QTGAL: variants seen among roughly 807,000 people sequenced by gnomAD.
QTGAL encodes BGnT-like protein 1.
the QTGAL span, chr17:83,006,117 G>A: frequency 1.0e-6 from 1 of 989,228 alleles, no homozygotes. This position sits in a 1 kb window ranked among gnomAD's most constrained non-coding sequence, Gnocchi z 5.8. Context: ...CAGGTCACAA[G>A]TCCCAGCGGA....
the QTGAL span, among the ~76,000 whole-genome samples, chr17:82,970,422 G>A: frequency 6.6e-6 from 1 of 152,114 alleles, no homozygotes; most frequent in Non-Finnish European, 1.5e-5. Flanking sequence ...AAAATCCAGA[G>A]GCATTTTCTG....
At chr17:82,995,315 C>T in the QTGAL span, among the ~76,000 whole-genome samples, 1 of 152,018 alleles carries the variant, frequency 6.6e-6, no homozygotes, top group African/African-American at 2.4e-5. Flanking sequence ...AACTATTAGA[C>T]CTGATAAACA....
chr17:82,994,643 C>T, the QTGAL span, among the ~76,000 whole-genome samples: 1 of 152,144 alleles, frequency 6.6e-6, no homozygotes, highest in Non-Finnish European at 1.5e-5. Context: ...ACCAATCCTA[C>T]CCAAATTATT....
the QTGAL span, among the ~76,000 whole-genome samples, chr17:82,952,302 C>T: frequency 6.6e-6 from 1 of 152,162 alleles, no homozygotes; most frequent in Non-Finnish European, 1.5e-5. Flanking sequence ...GTCTGTGTGT[C>T]CCCCACAACC....
At chr17:82,956,934 A>G in the QTGAL span, 6 of 998,158 alleles carry the variant, frequency 6.0e-6, no homozygotes, top group East Asian at 1.6e-4. This position sits in a 1 kb window ranked among gnomAD's most constrained non-coding sequence, Gnocchi z 5.7. Flanking sequence ...CAGAGCAGGA[A>G]CCCGGCTCCC....
the QTGAL span, among the ~76,000 whole-genome samples, chr17:83,008,119 C>A: frequency 7.1e-6 from 1 of 140,374 alleles, no homozygotes; most frequent in Non-Finnish European, 1.6e-5. Context: ...CTTAATCCTG[C>A]ACCGAGACGT....
At chr17:83,007,646 CGGACGG>C in the QTGAL span, among the ~76,000 whole-genome samples, 8 of 152,100 alleles carry the variant, frequency 5.3e-5, no homozygotes, top group Admixed American at 4.6e-4. Context: ...AGGCGCCTCT[CGGACGG>C]GGGCTGATTG....
chr17:82,983,101 T>G, the QTGAL span, among the ~76,000 whole-genome samples: 1 of 152,138 alleles, frequency 6.6e-6, no homozygotes, highest in Non-Finnish European at 1.5e-5. Flanking sequence ...CCCAACATGC[T>G]GAAACCTGGT....
the QTGAL span, among the ~76,000 whole-genome samples, chr17:82,974,996 CCGGACT>C: frequency 1.1e-4 from 12 of 108,912 alleles, no homozygotes; most frequent in African/African-American, 6.0e-4. Flanking sequence ...CGGGACAGAG[CCGGACT>C]CCATCCTCCC....
the QTGAL span, among the ~76,000 whole-genome samples, chr17:82,990,669 A>G: frequency 6.6e-6 from 1 of 152,224 alleles, no homozygotes; most frequent in Non-Finnish European, 1.5e-5. Context: ...AGGGATTTCA[A>G]ATTTCAGAAT....
At chr17:82,995,107 C>A in the QTGAL span, among the ~76,000 whole-genome samples, 1 of 152,104 alleles carries the variant, frequency 6.6e-6, no homozygotes, top group Non-Finnish European at 1.5e-5. Context: ...AAACTGAAAG[C>A]CTTTCCTCTG....
chr17:82,948,922 T>C, the QTGAL span: 1 of 152,242 alleles, frequency 6.6e-6, no homozygotes, highest in Non-Finnish European at 1.5e-5. Context: ...TCAGACTCCA[T>C]AAATGAAAGT....
the QTGAL span, among the ~76,000 whole-genome samples, chr17:83,045,875 T>C: frequency 0.03 from 4,531 of 152,074 alleles, 233 homozygotes; most frequent in African/African-American, 0.1. Context: ...AGTCCAATGG[T>C]ACGATCTCGG....
chr17:82,998,160 C>T, the QTGAL span, among the ~76,000 whole-genome samples: 1,851 of 151,912 alleles, frequency 0.012, 44 homozygotes, highest in African/African-American at 0.042. Flanking sequence ...GGTGAAGTGA[C>T]GGATACCCCA....
the QTGAL span, among the ~76,000 whole-genome samples, chr17:82,962,555 G>A: frequency 1.0e-4 from 14 of 133,374 alleles, no homozygotes; most frequent in East Asian, 1.9e-3. Flanking sequence ...ACCCTCACAC[G>A]GGTGATTTAG....
chr17:83,038,867 C>CA, the QTGAL span, among the ~76,000 whole-genome samples: 1 of 125,528 alleles, frequency 8.0e-6, no homozygotes, highest in Non-Finnish European at 1.8e-5. Context: ...TCAACAACAA[C>CA]AAAAAAATAT....
the QTGAL span, among the ~76,000 whole-genome samples, chr17:83,015,299 G>T: frequency 1.3e-5 from 2 of 152,246 alleles, no homozygotes; most frequent in Non-Finnish European, 2.9e-5. This position sits in a 1 kb window ranked among gnomAD's most constrained non-coding sequence, Gnocchi z 4.4. Flanking sequence ...CAGCAAAGCT[G>T]AAGATGCACT....
the QTGAL span, among the ~76,000 whole-genome samples, chr17:83,029,477 T>C: frequency 6.6e-6 from 1 of 152,132 alleles, no homozygotes; most frequent in Admixed American, 6.5e-5. Context: ...AGGCAGGGGA[T>C]AAGCATCGTG....
At chr17:82,961,333 G>A in the QTGAL span, 10 of 1,134,280 alleles carry the variant, frequency 8.8e-6, no homozygotes, top group South Asian at 4.6e-5. Flanking sequence ...CAACAGGGAC[G>A]TGGGGCGGCG....
Sources: gnomAD v4.1 joint callset for allele counts (sites outside exome capture counted in the v4.1 genomes callset) on GRCh38, gnomAD v4.1.1 for gene constraint, Gnocchi (gnomAD v3.1) non-coding constraint, MANE v1.5 for transcripts, NCBI Gene and HGNC (gene_info 2026-07-23, HGNC 2026-07-21) for gene names.